SUSD1: variants seen among roughly 807,000 people sequenced by gnomAD.
SUSD1 encodes the protein sushi domain containing 1.
A neutral mutation model predicts 86.9 loss-of-function variants in SUSD1; 65 were observed. The observed-to-expected ratio is 0.75, with a 90% CI of 0.61 to 0.92. The LOEUF (loss-of-function observed/expected upper bound fraction) is 0.92, where lower values mean the gene tolerates loss of function less well. Ranked by LOEUF, SUSD1 falls within the 40% of genes least tolerant of loss-of-function variation. The pLI is 0.00. For synonymous variants in SUSD1, 346 were observed against 350.0 expected (o/e 0.99, Z 0.13); for missense variants, 850 against 929.7 (o/e 0.91, Z 1.11).
At position 112,118,546 on chromosome 9, in the gene SUSD1, A is replaced by C. The variant is rs565624583; in HGVS notation, c.887-5678T>G. On this transcript the variant is annotated intron_variant, in intron 6 of 16. Transcript: ENST00000374270. ...GTAGCCCAGGATGGAGTGCAGTGGC[A>C]TGTTCTCAGCTGACTGCAACCTCCG... Among the ~76,000 whole-genome samples, 3 of 152,224 alleles carry C rather than the reference A, an allele frequency of 2.0e-5. No homozygotes were observed. The East Asian group carries it at 5.8e-4, about 29-fold the overall frequency.
chr9:112,112,289 A>T (rs1359950102), intron 7 of SUSD1, among the ~76,000 whole-genome samples: 1 of 152,186 alleles, frequency 6.6e-6, no homozygotes, highest in African/African-American at 2.4e-5. Context: ...AATCATCCAG[A>T]TATCTTCAAA....
At chr9:112,075,185 G>T (rs1564271101) in intron 12 of SUSD1, among the ~76,000 whole-genome samples, 3 of 152,126 alleles carry the variant, frequency 2.0e-5, no homozygotes, top group Non-Finnish European at 4.4e-5. Flanking sequence ...AACACCACTT[G>T]TCTCTCCAGC....
Position 112,041,068 on chromosome 9 carries a change from T to G in SUSD1, c.*424A>C, listed in dbSNP as rs764431344. The G allele has an allele frequency of 4.5e-5, 11 of 244,080 alleles. No individual in the cohort carries two copies. Among genetic ancestry groups the G allele is most frequent in the Non-Finnish European group, 8.7e-5 (11 of 126,338 alleles). The allele number at this position is 244,080 out of a possible 1,614,324, so 15.1% of individuals were successfully genotyped here. On this transcript the variant is annotated 3_prime_UTR_variant, in exon 17 of 17. Transcript: ENST00000374270. ...CCATCTCACTGCATATTGTAAAGAA[T>G]GGATTCTGAATGAATTAACAGAAAT...
At chr9:112,086,167 A>T (rs1829966652) in intron 10 of SUSD1, among the ~76,000 whole-genome samples, 1 of 151,740 alleles carries the variant, frequency 6.6e-6, no homozygotes, top group Non-Finnish European at 1.5e-5. Context: ...AAAATAAAAA[A>T]GTTAGCTGAG....
intron 1 of SUSD1, among the ~76,000 whole-genome samples, chr9:112,159,879 G>A (rs1833492223): frequency 6.6e-6 from 1 of 152,016 alleles, no homozygotes; most frequent in Admixed American, 6.6e-5. Flanking sequence ...GTATTACCTA[G>A]TGATAATTAG....
intron 4 of SUSD1, among the ~76,000 whole-genome samples, chr9:112,142,895 C>T (rs1832639432): frequency 7.3e-6 from 1 of 137,166 alleles, no homozygotes; most frequent in Non-Finnish European, 1.5e-5. Context: ...TACTATCTAA[C>T]ATAGTAGTTA....
intron 9 of SUSD1, among the ~76,000 whole-genome samples, chr9:112,101,042 A>G (rs1830612389): frequency 6.6e-6 from 1 of 151,872 alleles, no homozygotes. Context: ...CTAATATGTG[A>G]TATACTTCTG....
At position 112,040,982 on chromosome 9, in the gene SUSD1, G is replaced by A. The variant is rs901364644; in HGVS notation, c.*510C>T. 4.2e-5 allele frequency: 7 copies of A among 165,308 alleles called. No homozygotes were observed. Among genetic ancestry groups the A allele is most frequent in the Admixed American group, 4.1e-4 (7 of 16,874 alleles). 10.2% of individuals were successfully genotyped at this position (165,308 alleles called of 1,614,324 possible). Reference sequence around the variant, plus strand: ...TAAAGTGCTTGAAACATTTGCCTACGTCACTGTTCTCTTTTTCAATGACCT... The same window carrying A: ...TAAAGTGCTTGAAACATTTGCCTACATCACTGTTCTCTTTTTCAATGACCT... On this transcript the variant is annotated 3_prime_UTR_variant, in exon 17 of 17. Transcript: ENST00000374270.
At chr9:112,078,805 CTT>C in intron 11 of SUSD1, 81 bp from the exon 12 acceptor site, 1 of 844,574 alleles carries the variant, frequency 1.2e-6, no homozygotes, top group African/African-American at 2.0e-5. Context: ...TTTCCTTTTT[CTT>C]TCTCTTTTTT....
Position 112,175,152 on chromosome 9 carries a change from C to A in SUSD1, c.84G>T (p.Ala28=). The change falls in exon 1 of 17, where the codon GCG becomes GCT. Residue 28 remains alanine, a synonymous_variant. Transcript: ENST00000374270. The surrounding 1 kb of genome is among the most constrained non-coding windows in gnomAD (Gnocchi z 4.7). Reference sequence around the variant, plus strand: ...ACTCACCGTCGGGGCCCGGCGCTCCCGCGGCGCCGCGGGCCAGGCCGAGCA... The same window carrying A: ...ACTCACCGTCGGGGCCCGGCGCTCCAGCGGCGCCGCGGGCCAGGCCGAGCA... ...LLLLGLARGA[A]GAPGPDGLDV... The A allele has an allele frequency of 9.3e-7, 1 of 1,079,196 alleles. No homozygotes were observed. The highest frequency in any genetic ancestry group is 4.3e-5 in the South Asian group (1 of 23,092). 66.9% of individuals were successfully genotyped at this position (1,079,196 alleles called of 1,614,324 possible).
At chr9:112,100,315 T>C (rs554190769) in intron 9 of SUSD1, among the ~76,000 whole-genome samples, 3 of 152,194 alleles carry the variant, frequency 2.0e-5, no homozygotes, top group African/African-American at 7.2e-5. Flanking sequence ...GCCTCCCAAG[T>C]AGCTGGGACT....
chr9:112,165,942 G>GAAGAAAGAAAGGAAGAAAGA, intron 1 of SUSD1, among the ~76,000 whole-genome samples: 1 of 71,962 alleles, frequency 1.4e-5, no homozygotes, highest in African/African-American at 5.5e-5. Context: ...AAGAAAGAAA[G>GAAGAAAGAAAGGAAGAAAGA]AAGAAAGAAA....
intron 12 of SUSD1, among the ~76,000 whole-genome samples, chr9:112,066,607 C>T (rs1828989658): frequency 6.6e-6 from 1 of 152,122 alleles, no homozygotes; most frequent in African/African-American, 2.4e-5. Context: ...CGCGAAACTC[C>T]CAAAGATGGG....
intron 1 of SUSD1, among the ~76,000 whole-genome samples, chr9:112,172,236 C>A (rs1041624633): frequency 1.3e-5 from 2 of 151,574 alleles, no homozygotes; most frequent in Non-Finnish European, 2.9e-5. Context: ...TAAACAAGGT[C>A]TCTGCCCTCA....
intron 14 of SUSD1, among the ~76,000 whole-genome samples, chr9:112,055,986 C>A (rs183773856): frequency 6.6e-6 from 1 of 152,044 alleles, no homozygotes; most frequent in Non-Finnish European, 1.5e-5. Context: ...TAGGGCTGGG[C>A]GTGATGGCTC....
intron 11 of SUSD1, 24 bp from the exon 12 acceptor site, chr9:112,078,748 G>A (rs759517785): frequency 1.2e-6 from 2 of 1,602,276 alleles, no homozygotes; most frequent in Non-Finnish European, 1.7e-6. Context: ...AAGCTCACTG[G>A]GTGAATGGTT....
chr9:112,047,558 A>T (rs1449407017), intron 15 of SUSD1, among the ~76,000 whole-genome samples: 1 of 152,092 alleles, frequency 6.6e-6, no homozygotes, highest in African/African-American at 2.4e-5. Context: ...ACTCACTTGA[A>T]ATTTAATCCT....
intron 3 of SUSD1, among the ~76,000 whole-genome samples, 179 bp from the exon 4 acceptor site, chr9:112,143,802 G>A (rs1036070820): frequency 2.0e-5 from 3 of 151,898 alleles, no homozygotes; most frequent in Non-Finnish European, 4.4e-5. Flanking sequence ...CTCATATATC[G>A]TTCATATCAT....
chr9:112,162,409 T>C (rs1050820895), intron 1 of SUSD1, among the ~76,000 whole-genome samples: 3 of 152,176 alleles, frequency 2.0e-5, no homozygotes, highest in Admixed American at 2.0e-4. Flanking sequence ...AGAGAACAAG[T>C]AACTAAAGTA....
Sources: allele counts gnomAD v4.1 joint callset (sites outside exome capture counted in the v4.1 genomes callset), GRCh38; gene constraint gnomAD v4.1.1; non-coding constraint Gnocchi (gnomAD v3.1); transcripts MANE v1.5; gene names NCBI Gene and HGNC (gene_info 2026-07-23, HGNC 2026-07-21).